Variants in PPP2R2B observed in about 807,000 individuals in gnomAD.
The protein encoded by PPP2R2B is serine/threonine-protein phosphatase 2A 55 kDa regulatory subunit B beta isoform.
A neutral mutation model predicts 46.0 loss-of-function variants in PPP2R2B; 5 were observed. The ratio of observed to expected loss-of-function variants is 0.11; its 90% confidence interval spans 0.06 to 0.23. PPP2R2B has a LOEUF of 0.23. Among genes scored for constraint, PPP2R2B ranks in the 10% least tolerant of loss-of-function variants. The probability of loss-of-function intolerance (pLI) is 1.00; values close to 1 mark genes in which losing one functional copy is unlikely to be tolerated. For missense variants in PPP2R2B, 367 were observed against 575.0 expected (o/e 0.64, Z 3.70); for synonymous variants, 215 against 206.7 (o/e 1.04, Z -0.34).
At chr5:146,918,813 G>A (rs1374178073) in intron 1 of PPP2R2B, among the ~76,000 whole-genome samples, 1 of 151,936 alleles carries the variant, frequency 6.6e-6, no homozygotes, top group Non-Finnish European at 1.5e-5. Flanking sequence ...TTTTCCTGAA[G>A]AGGCTATCTC....
At position 147,046,369 on chromosome 5, in the gene PPP2R2B, C is replaced by A. The variant is rs538350755; in HGVS notation, c.79+9296G>T. On this transcript the variant is annotated intron_variant, in intron 1 of 8. Transcript: ENST00000336640. ...GCCTCCTGTTTGCTTTTTCTACTAA[C>A]TGTGCTTTTGCAGACACTTGTGAAG... is the stretch of plus-strand genomic sequence containing the variant. Among the ~76,000 whole-genome samples, 6 of 152,282 alleles carry A rather than the reference C, an allele frequency of 3.9e-5. No individual in the cohort carries two copies. In the East Asian group the frequency reaches 1.2e-3, roughly 29 times the overall value.
intron 1 of PPP2R2B, among the ~76,000 whole-genome samples, chr5:146,973,999 A>C (rs1752779595): frequency 6.6e-6 from 1 of 152,240 alleles, no homozygotes; most frequent in Non-Finnish European, 1.5e-5. Flanking sequence ...GAGGCAGATG[A>C]ACAAAATGAT....
At chr5:146,698,335 T>A (rs1413263769) in intron 3 of PPP2R2B, among the ~76,000 whole-genome samples, 191 bp from the exon 4 acceptor site, 4 of 127,826 alleles carry the variant, frequency 3.1e-5, no homozygotes, top group African/African-American at 9.3e-5. Flanking sequence ...TATATATATA[T>A]ATATATATAT....
chr5:146,992,298 AACTAGACAGCT>A (rs1753729726), intron 1 of PPP2R2B, among the ~76,000 whole-genome samples: 1 of 152,246 alleles, frequency 6.6e-6, no homozygotes, highest in South Asian at 2.1e-4. Flanking sequence ...GTGTTGGGAA[AACTAGACAGCT>A]ACTTTATTTC....
At chr5:146,615,862 A>G (rs558690904) in intron 7 of PPP2R2B, among the ~76,000 whole-genome samples, 3 of 152,156 alleles carry the variant, frequency 2.0e-5, no homozygotes, top group Non-Finnish European at 4.4e-5. Flanking sequence ...CAAAATACCA[A>G]TGACTTTACA....
intron 1 of PPP2R2B, among the ~76,000 whole-genome samples, chr5:146,935,925 A>G (rs1241780849): frequency 6.6e-6 from 1 of 151,988 alleles, no homozygotes; most frequent in Non-Finnish European, 1.5e-5. Flanking sequence ...CACTTCTAAG[A>G]CTCATTTTCC....
chr5:146,654,886 T>A (rs947195806), intron 5 of PPP2R2B, among the ~76,000 whole-genome samples: 2 of 152,096 alleles, frequency 1.3e-5, no homozygotes, highest in African/African-American at 4.8e-5. Flanking sequence ...TTTTGCCAAA[T>A]GACAAAAGCA....
chr5:147,078,807 CA>C (rs35601188), intron 2 of PPP2R2B, among the ~76,000 whole-genome samples: 62,427 of 106,362 alleles, frequency 0.59, 15,298 homozygotes, highest in Middle Eastern at 0.75. Context: ...GACTCCGTCT[CA>C]AAAAAAAAAA....
chr5:146,954,965 C>G (rs1751817744), intron 1 of PPP2R2B, among the ~76,000 whole-genome samples: 1 of 152,118 alleles, frequency 6.6e-6, no homozygotes, highest in South Asian at 2.1e-4. Context: ...TGAATGCTTA[C>G]TGTATAGGAA....
chr5:146,861,636 G>GTA (rs1200190808), intron 2 of PPP2R2B, among the ~76,000 whole-genome samples: 1 of 152,124 alleles, frequency 6.6e-6, no homozygotes, highest in Non-Finnish European at 1.5e-5. Flanking sequence ...TATAAACAAT[G>GTA]TATATATTTA....
rs559270933 is a variant in PPP2R2B, at chr5:146,653,715, A to G, written c.448-2991T>C. Among the ~76,000 whole-genome samples, 8 of 152,314 alleles carry G rather than the reference A, an allele frequency of 5.3e-5. No individual in the cohort carries two copies. The South Asian group carries it at 1.7e-3, about 32-fold the overall frequency. On this transcript the variant is annotated intron_variant, in intron 5 of 9. Transcript: ENST00000394411. The stretch of plus-strand genomic sequence containing the variant: ...TACAGAGTGGGAGCTGCCAGCCCAC[A>G]GCTTCAGCTTAATGTGATGGGCCTG...
intron 1 of PPP2R2B, among the ~76,000 whole-genome samples, chr5:146,904,520 G>A (rs561513881): frequency 3.9e-5 from 6 of 152,288 alleles, no homozygotes; most frequent in East Asian, 1.9e-4. Context: ...TATTGGGAGC[G>A]TGTTCCCCGA....
rs1449351097 is a variant in PPP2R2B at position 146,987,468 on chromosome 5, A to G, written c.79+68197T>C. Among the ~76,000 whole-genome samples the G allele has an allele frequency of 2.0e-5, 3 of 152,128 alleles. No homozygotes were observed. In the East Asian group the frequency reaches 5.8e-4, roughly 29 times the overall value. ...TAAAAAGATGTAAACTGAAATATCC[A>G]AAAGACAAAATGTAGGGATAAGATG... On this transcript the variant is annotated intron_variant, in intron 1 of 8. Coordinates refer to the PPP2R2B transcript ENST00000336640.
chr5:146,740,618 C>CACACAT (rs1561870664), intron 2 of PPP2R2B, among the ~76,000 whole-genome samples: 1 of 122,170 alleles, frequency 8.2e-6, no homozygotes, highest in African/African-American at 3.3e-5. Context: ...CACACACACA[C>CACACAT]ACACAGATAA....
At chr5:146,850,563 A>G (rs1196103278) in intron 2 of PPP2R2B, among the ~76,000 whole-genome samples, 1 of 152,130 alleles carries the variant, frequency 6.6e-6, no homozygotes, top group Non-Finnish European at 1.5e-5. Context: ...GCCCTTGTAC[A>G]TGCAGTTCTC....
chr5:146,783,373 GAT>G (rs1467900177), intron 2 of PPP2R2B, among the ~76,000 whole-genome samples: 1 of 152,122 alleles, frequency 6.6e-6, no homozygotes, highest in Admixed American at 6.5e-5. Context: ...TCATTTAAAA[GAT>G]ATATGCATTG....
At chr5:147,072,171 T>G (rs2151911487) in intron 2 of PPP2R2B, among the ~76,000 whole-genome samples, 1 of 152,264 alleles carries the variant, frequency 6.6e-6, no homozygotes, top group East Asian at 1.9e-4. Flanking sequence ...TGAAGAAAAT[T>G]AGGTCTACTA....
At chr5:146,781,190 G>A (rs72813717) in intron 2 of PPP2R2B, among the ~76,000 whole-genome samples, 13,959 of 94,306 alleles carry the variant, frequency 0.15, 1,394 homozygotes, top group East Asian at 0.56. Flanking sequence ...TTATTCTCAT[G>A]ATATAAGTGA....
intron 1 of PPP2R2B, among the ~76,000 whole-genome samples, chr5:147,010,222 G>C (rs1293509708): frequency 1.3e-5 from 2 of 152,154 alleles, no homozygotes; most frequent in Non-Finnish European, 2.9e-5. Flanking sequence ...GAACTACTTA[G>C]AGTCAGCTAG....
Sources: allele counts gnomAD v4.1 joint callset (sites outside exome capture counted in the v4.1 genomes callset), GRCh38; gene constraint gnomAD v4.1.1; transcripts MANE v1.5; gene names NCBI Gene and HGNC (gene_info 2026-07-23, HGNC 2026-07-21).